MMP16: variants seen among roughly 807,000 people sequenced by gnomAD.
The protein encoded by MMP16 is matrix metalloproteinase-16.
A neutral mutation model predicts 67.8 loss-of-function variants in MMP16; 12 were observed. The ratio of observed to expected loss-of-function variants is 0.18; its 90% confidence interval spans 0.11 to 0.29. The LOEUF is 0.29. Among genes scored for constraint, MMP16 ranks in the 10% least tolerant of loss-of-function variants. The pLI is 1.00. For synonymous variants in MMP16, 249 were observed against 255.9 expected, an observed-to-expected ratio of 0.97 and a Z score of 0.26; for missense variants, 475 against 765.7, an observed-to-expected ratio of 0.62 and a Z score of 4.48.
intron 1 of MMP16, among the ~76,000 whole-genome samples, chr8:88,303,335 G>T (rs1248213032): frequency 6.6e-6 from 1 of 152,206 alleles, no homozygotes; most frequent in African/African-American, 2.4e-5. Flanking sequence ...TTCCCAGGGA[G>T]AGGGATGGCC....
chr8:88,086,525 G>A (rs1808836773), intron 6 of MMP16, among the ~76,000 whole-genome samples: 1 of 151,830 alleles, frequency 6.6e-6, no homozygotes, highest in South Asian at 2.1e-4. Context: ...AAAATGCTGT[G>A]TAAAATGCTA....
chr8:88,230,921 T>C (rs1420970931), intron 1 of MMP16, among the ~76,000 whole-genome samples: 1 of 152,136 alleles, frequency 6.6e-6, no homozygotes, highest in East Asian at 1.9e-4. Flanking sequence ...CTAAGACACT[T>C]AGTGAAAGAC....
chr8:88,207,374 C>T lies in MMP16; in HGVS notation c.133-10068G>A, dbSNP rs561709246. 1.1e-4 allele frequency among the ~76,000 whole-genome samples: 17 copies of T among 152,148 alleles called. No homozygotes were observed. In the East Asian group the frequency reaches 1.9e-3, roughly 17 times the overall value. On this transcript the variant is annotated intron_variant, in intron 1 of 9. Transcript: ENST00000286614. ...GCCCAAATGTTGTATCTGCTGAAAA[C>T]GCTATGTGATGCAAATCATCTCTCT...
intron 1 of MMP16, among the ~76,000 whole-genome samples, chr8:88,227,801 T>A (rs1185849091): frequency 1.3e-5 from 2 of 152,058 alleles, no homozygotes; most frequent in Admixed American, 1.3e-4. Context: ...AGCTGACCCT[T>A]CAAATCAGAA....
intron 1 of MMP16, among the ~76,000 whole-genome samples, chr8:88,211,991 AATGTGCCTCCTG>A (rs1441794588): frequency 2.2e-4 from 34 of 151,966 alleles, no homozygotes; most frequent in African/African-American, 8.0e-4. Flanking sequence ...TGGGTCACAG[AATGTGCCTCCTG>A]GGCTTCACCT....
intron 5 of MMP16, among the ~76,000 whole-genome samples, chr8:88,117,749 A>T (rs997051570): frequency 2.5e-4 from 37 of 150,550 alleles, no homozygotes; most frequent in Non-Finnish European, 4.6e-4. Flanking sequence ...TATTAAAATT[A>T]AAAAAAAACT....
intron 1 of MMP16, among the ~76,000 whole-genome samples, chr8:88,299,902 A>C (rs1477289856): frequency 6.6e-6 from 1 of 152,240 alleles, no homozygotes; most frequent in East Asian, 1.9e-4. Context: ...TTTCCAGATT[A>C]TATAAACAGC....
intron 1 of MMP16, among the ~76,000 whole-genome samples, chr8:88,302,595 A>G (rs551185377): frequency 6.6e-6 from 1 of 152,210 alleles, no homozygotes; most frequent in African/African-American, 2.4e-5. Flanking sequence ...AGAGAAAAGA[A>G]GGGGATGAAA....
rs186908663 is a variant in MMP16 at position 88,283,879 on chromosome 8, C to T, written c.132+43196G>A. ...CTCACTGACTACACAACATCATTAC[C>T]CACATGGCCTGACCAATGCCAACAA... On this transcript the variant is annotated intron_variant, in intron 1 of 9. Transcript: ENST00000286614. 2.6e-5 allele frequency among the ~76,000 whole-genome samples: 4 copies of T among 152,226 alleles called. No individual in the cohort carries two copies. In the East Asian group the frequency reaches 5.8e-4, roughly 22 times the overall value.
intron 1 of MMP16, among the ~76,000 whole-genome samples, chr8:88,235,369 C>G (rs1346473324): frequency 1.7e-5 from 2 of 121,156 alleles, no homozygotes; most frequent in Non-Finnish European, 3.3e-5. Context: ...TCTACCCGGG[C>G]AACAGAGCAA....
At chr8:88,081,899 TG>T (rs1202702334) in intron 6 of MMP16, among the ~76,000 whole-genome samples, 1 of 152,174 alleles carries the variant, frequency 6.6e-6, no homozygotes, top group Non-Finnish European at 1.5e-5. Flanking sequence ...ATACAGTAGC[TG>T]TTTTTCTTAA....
At chr8:88,148,619 C>G (rs1382267529) in intron 4 of MMP16, among the ~76,000 whole-genome samples, 1 of 152,174 alleles carries the variant, frequency 6.6e-6, no homozygotes, top group Non-Finnish European at 1.5e-5. Flanking sequence ...ACGCTCACCA[C>G]TCAAAACTCT....
intron 1 of MMP16, among the ~76,000 whole-genome samples, chr8:88,294,488 A>G (rs1248236870): frequency 6.7e-6 from 1 of 150,324 alleles, no homozygotes; most frequent in South Asian, 2.1e-4. Flanking sequence ...GTATGTCTCT[A>G]TACACACATA....
At chr8:88,320,987 A>C (rs925952385) in intron 1 of MMP16, among the ~76,000 whole-genome samples, 1 of 152,144 alleles carries the variant, frequency 6.6e-6, no homozygotes, top group Non-Finnish European at 1.5e-5. Context: ...TTCATGAAGA[A>C]CCTCAAAATC....
intron 1 of MMP16, among the ~76,000 whole-genome samples, chr8:88,288,846 A>T (rs1383827383): frequency 1.3e-5 from 2 of 152,216 alleles, no homozygotes; most frequent in African/African-American, 4.8e-5. Flanking sequence ...CTCTTCTCTA[A>T]GTCATTTATC....
chr8:88,088,613 T>G (rs369186315), intron 6 of MMP16, among the ~76,000 whole-genome samples: 79 of 152,174 alleles, frequency 5.2e-4, no homozygotes, highest in East Asian at 5.0e-3. Context: ...GGGAGACTAA[T>G]CCTCATTACC....
Position 88,118,970 on chromosome 8 carries a change from C to A in MMP16, c.710-109G>T, listed in dbSNP as rs1809483783. The A allele has an allele frequency of 3.9e-6, 4 of 1,013,096 alleles. No individual in the cohort carries two copies. In the Admixed American group the frequency reaches 7.7e-5, roughly 19 times the overall value. The allele number at this position is 1,013,096 out of a possible 1,614,324, so 62.8% of individuals were successfully genotyped here. A position where few individuals can be genotyped will look rare whatever the true frequency, so the allele number is the denominator to read the frequency against. ...TTACCCAAGAAAAATAGGAGGTACT[C>A]TTTCCTTCAACTATTTGTATGGTTT... is the stretch of plus-strand genomic sequence containing the variant. On this transcript the variant is annotated intron_variant, in intron 4 of 9. Coordinates refer to ENST00000286614, the MANE Select transcript of MMP16 (RefSeq NM_005941.5).
intron 8 of MMP16, among the ~76,000 whole-genome samples, chr8:88,051,654 A>G (rs139571526): frequency 6.6e-6 from 1 of 152,328 alleles, no homozygotes; most frequent in African/African-American, 2.4e-5. Flanking sequence ...CTTTGTAAAC[A>G]TAACACTTAA....
chr8:88,318,875 T>C (rs1223360745), intron 1 of MMP16, among the ~76,000 whole-genome samples: 1 of 152,178 alleles, frequency 6.6e-6, no homozygotes, highest in African/African-American at 2.4e-5. Context: ...TGCTGGTTAT[T>C]TGGACCTTTG....
Sources: allele counts gnomAD v4.1 joint callset (sites outside exome capture counted in the v4.1 genomes callset), GRCh38; gene constraint gnomAD v4.1.1; transcripts MANE v1.5; gene names NCBI Gene and HGNC (gene_info 2026-07-23, HGNC 2026-07-21).